EVI5: variants seen among roughly 807,000 people sequenced by gnomAD.
The protein encoded by EVI5 is ecotropic viral integration site 5 protein homolog.
A neutral mutation model predicts 112.0 loss-of-function variants in EVI5; 73 were observed. The observed-to-expected ratio is 0.65, with a 90% confidence interval of 0.54 to 0.79. The LOEUF (loss-of-function observed/expected upper bound fraction) is 0.79. Ranked by LOEUF, EVI5 falls within the 30% of genes least tolerant of loss-of-function variation. The probability of loss-of-function intolerance (pLI) is 0.00; values close to 1 mark genes in which losing one functional copy is unlikely to be tolerated. For missense variants in EVI5, 900 were observed against 968.8 expected (o/e 0.93, Z 0.94); for synonymous variants, 305 against 319.9 (o/e 0.95, Z 0.50).
chr1:92,784,566 C>T (rs1046230431), intron 1 of EVI5: 2 of 370,582 alleles, frequency 5.4e-6, no homozygotes, highest in African/African-American at 2.2e-5. Flanking sequence ...CCCTCCACCG[C>T]CCTGGGACGC....
intron 13 of EVI5, among the ~76,000 whole-genome samples, chr1:92,661,918 T>C (rs938590731): frequency 6.6e-6 from 1 of 152,190 alleles, no homozygotes; most frequent in Non-Finnish European, 1.5e-5. Context: ...TACTTGAGGA[T>C]GGAAAACTGA....
intron 1 of EVI5, among the ~76,000 whole-genome samples, chr1:92,771,774 G>A (rs1683442227): frequency 6.6e-6 from 1 of 151,146 alleles, no homozygotes; most frequent in African/African-American, 2.4e-5. Flanking sequence ...CGCCTGCCCG[G>A]AATACATCAA....
Position 92,651,865 on chromosome 1 carries a change from AAG to A in EVI5, c.1392+10852_1392+10853del, listed in dbSNP as rs769688845. 4.5e-3 allele frequency among the ~76,000 whole-genome samples: 667 copies of A among 147,972 alleles called. 14 individuals are homozygous for A. The highest frequency in any genetic ancestry group is 6.0e-3 in the Non-Finnish European group (400 of 66,842). On this transcript the variant is annotated intron_variant, in intron 13 of 19. Transcript: ENST00000684568. The stretch of plus-strand genomic sequence containing the variant: ...GACTCCGTCTCAAAAAAAAAAAAAA[AAG>A]AAAGAAATTGGAACCCTTGTACACT...
At chr1:92,744,130 A>G (rs1678878111) in intron 1 of EVI5, among the ~76,000 whole-genome samples, 2 of 152,128 alleles carry the variant, frequency 1.3e-5, no homozygotes, top group Non-Finnish European at 2.9e-5. Flanking sequence ...TATCTTTCTA[A>G]CTATACAACA....
chr1:92,673,229 T>C (rs1666181004), intron 10 of EVI5, among the ~76,000 whole-genome samples: 1 of 148,068 alleles, frequency 6.8e-6, no homozygotes, highest in Non-Finnish European at 1.5e-5. Flanking sequence ...AGTGAATATG[T>C]GAGCACTTTT....
At chr1:92,595,761 T>G (rs1037226207) in intron 18 of EVI5, among the ~76,000 whole-genome samples, 4 of 152,066 alleles carry the variant, frequency 2.6e-5, no homozygotes, top group African/African-American at 9.7e-5. Flanking sequence ...AGGAAGGATC[T>G]TACAAGGAGG....
chr1:92,628,342 C>CT (rs1439276135), intron 14 of EVI5, among the ~76,000 whole-genome samples: 1 of 152,202 alleles, frequency 6.6e-6, no homozygotes, highest in African/African-American at 2.4e-5. Flanking sequence ...TAGGTCCCAG[C>CT]TATTTATCTT....
intron 1 of EVI5, among the ~76,000 whole-genome samples, chr1:92,743,449 T>C (rs780300710): frequency 1.3e-5 from 2 of 152,134 alleles, no homozygotes; most frequent in Non-Finnish European, 2.9e-5. Context: ...ATGACAAATA[T>C]TGTGTGATTC....
At chr1:92,702,248 T>C (rs769329248) in intron 4 of EVI5, 33 bp from the exon 5 acceptor site, 7 of 1,144,130 alleles carry the variant, frequency 6.1e-6, no homozygotes, top group African/African-American at 1.6e-5. Flanking sequence ...TCAAAATACA[T>C]GGTAAGTTAT....
intron 13 of EVI5, among the ~76,000 whole-genome samples, chr1:92,660,133 C>T (rs1440402545): frequency 2.6e-5 from 4 of 151,886 alleles, no homozygotes; most frequent in African/African-American, 4.8e-5. Flanking sequence ...ACAATATATA[C>T]TATTCAGCTG....
chr1:92,663,064 C>T (rs1226098407), intron 12 of EVI5, among the ~76,000 whole-genome samples, 199 bp from the exon 13 acceptor site: 1 of 151,890 alleles, frequency 6.6e-6, no homozygotes, highest in African/African-American at 2.4e-5. Context: ...GAAAAATTCA[C>T]CTGACAAGAA....
intron 16 of EVI5, among the ~76,000 whole-genome samples, chr1:92,608,704 A>AG (rs2101615890): frequency 1.4e-5 from 1 of 71,942 alleles, no homozygotes; most frequent in African/African-American, 5.7e-5. Context: ...TCTGTCTCAG[A>AG]GAAAAAAAAA....
chr1:92,646,380 A>T (rs1231046101), intron 13 of EVI5, among the ~76,000 whole-genome samples: 2 of 152,192 alleles, frequency 1.3e-5, no homozygotes, highest in Admixed American at 6.5e-5. Context: ...GCACTTAATT[A>T]AAAAAATCCC....
chr1:92,692,457 C>T lies in EVI5; in HGVS notation c.1097+1345G>A, dbSNP rs115302017. ...CTCCACACATGGTAGTTATTTAAAA[C>T]GTATCAACATGATGGTGGTTATTTA... On this transcript the variant is annotated intron_variant, in intron 9 of 19. Transcript: ENST00000684568. Among the ~76,000 whole-genome samples the T allele has an allele frequency of 4.3e-3, 659 of 152,272 alleles. 5 individuals are homozygous for T. The highest frequency in any genetic ancestry group is 0.015 in the African/African-American group (624 of 41,558).
At chr1:92,675,069 G>A (rs186746621) in intron 10 of EVI5, among the ~76,000 whole-genome samples, 10 of 152,338 alleles carry the variant, frequency 6.6e-5, no homozygotes, top group Non-Finnish European at 1.0e-4. Flanking sequence ...ATGGCTGGGC[G>A]TGGTGGCTCA....
Position 92,703,503 on chromosome 1 carries a change from C to T in EVI5, c.456G>A (p.Ser152=). 1 of 1,599,036 alleles carries T rather than the reference C, an allele frequency of 6.3e-7. No individual in the cohort carries two copies. Among genetic ancestry groups the T allele is most frequent in the Non-Finnish European group, 8.5e-7 (1 of 1,176,176 alleles). The change falls in exon 4 of 20, where the codon TCG becomes TCA. Residue 152 remains serine (S), a synonymous_variant. Transcript: ENST00000684568. ...CCCTTCGGATCAATTTTTCACAAGG[C>T]GAGGTCATTTTCAGGAGTTCTGAAT... The part of the protein sequence containing the change: ...DQYSELLKMT[S]PCEKLIRRDI...
chr1:92,735,076 A>T (rs563229653), intron 2 of EVI5, among the ~76,000 whole-genome samples: 35 of 152,210 alleles, frequency 2.3e-4, no homozygotes. Flanking sequence ...GCAGTTAAAC[A>T]TATACCTACC....
At chr1:92,533,956 A>C (rs1251562686) in intron 19 of EVI5, among the ~76,000 whole-genome samples, 1 of 152,226 alleles carries the variant, frequency 6.6e-6, no homozygotes, top group Non-Finnish European at 1.5e-5. Flanking sequence ...AAAGAAATAA[A>C]GGGTATTCAA....
chr1:92,635,270 C>A (rs951272770), intron 14 of EVI5, among the ~76,000 whole-genome samples: 1 of 152,236 alleles, frequency 6.6e-6, no homozygotes, highest in Non-Finnish European at 1.5e-5. Flanking sequence ...TATGCCCTGC[C>A]CCCGAGGTGG....
Sources: gnomAD v4.1 joint callset for allele counts (sites outside exome capture counted in the v4.1 genomes callset) on GRCh38, gnomAD v4.1.1 for gene constraint, MANE v1.5 for transcripts, NCBI Gene and HGNC (gene_info 2026-07-23, HGNC 2026-07-21) for gene names.